SMPD3: variants seen among roughly 807,000 people sequenced by gnomAD.
SMPD3 encodes sphingomyelin phosphodiesterase 3, also known as nSMase-2.
In SMPD3, 21 loss-of-function variants were observed where a neutral mutation model predicts 55.7. The observed-to-expected ratio is 0.38, with a 90% CI of 0.27 to 0.54. The LOEUF (loss-of-function observed/expected upper bound fraction) is 0.54. SMPD3 is among the 20% of genes least tolerant of loss of function. The pLI, the probability that SMPD3 is intolerant of heterozygous loss-of-function variation, is 0.80. For synonymous variants in SMPD3, 457 were observed against 404.3 expected (o/e 1.13, Z -1.56); for missense variants, 842 against 899.6 (o/e 0.94, Z 0.82).
intron 1 of SMPD3, among the ~76,000 whole-genome samples, chr16:68,425,707 T>C (rs1244667011): frequency 6.6e-6 from 1 of 152,140 alleles, no homozygotes; most frequent in Middle Eastern, 3.2e-3. Context: ...TGGGTGAATC[T>C]GCAGGCTGGG....
chr16:68,365,979 G>A (rs558378286), intron 3 of SMPD3, among the ~76,000 whole-genome samples: 1 of 152,274 alleles, frequency 6.6e-6, no homozygotes, highest in South Asian at 2.1e-4. Context: ...GCACAGAGAG[G>A]CCGCTTACCA....
intron 1 of SMPD3, among the ~76,000 whole-genome samples, chr16:68,432,686 C>T (rs1419115139): frequency 6.6e-6 from 1 of 152,202 alleles, no homozygotes; most frequent in African/African-American, 2.4e-5. Flanking sequence ...AGTGGGGGTG[C>T]AGAGTCTGTC....
intron 1 of SMPD3, among the ~76,000 whole-genome samples, chr16:68,403,888 C>T (rs2090231378): frequency 6.6e-6 from 1 of 152,176 alleles, no homozygotes; most frequent in African/African-American, 2.4e-5. Context: ...GGGGTGACCA[C>T]ACACACAGGA....
chr16:68,392,168 A>G (rs2090117131), intron 1 of SMPD3, among the ~76,000 whole-genome samples: 1 of 152,238 alleles, frequency 6.6e-6, no homozygotes, highest in Non-Finnish European at 1.5e-5. Context: ...CTGGGATTAC[A>G]AGCATAAGCC....
At chr16:68,413,620 T>A (rs939144303) in intron 1 of SMPD3, among the ~76,000 whole-genome samples, 1 of 152,148 alleles carries the variant, frequency 6.6e-6, no homozygotes, top group Non-Finnish European at 1.5e-5. Context: ...GACTCAGAAC[T>A]CCAGGCTAGT....
In SMPD3 at chr16:68,447,607, C is replaced by G. The variant is rs1216469272; in HGVS notation, c.-269+746G>C. On this transcript the variant is annotated intron_variant, in intron 1 of 8. Transcript: ENST00000219334. This position sits in a 1 kb window ranked among gnomAD's most constrained non-coding sequence, Gnocchi z 5.1. ...GGCGCGGGCCCGAGCGCGGGGGATT[C>G]CGAGTGTCAGTGCTTTCCTCCACCC... Among the ~76,000 whole-genome samples, 2 of 152,098 alleles carry G rather than the reference C, an allele frequency of 1.3e-5. No individual in the cohort carries two copies. The highest frequency in any genetic ancestry group is 2.9e-5 in the Non-Finnish European group (2 of 68,004).
intron 1 of SMPD3, among the ~76,000 whole-genome samples, chr16:68,393,426 G>A (rs1807778831): frequency 6.6e-6 from 1 of 152,058 alleles, no homozygotes; most frequent in Non-Finnish European, 1.5e-5. Flanking sequence ...AAAACAAAAA[G>A]GAAAATGGAC....
chr16:68,364,741 C>A lies in SMPD3; in HGVS notation c.1555+10G>T. The stretch of plus-strand genomic sequence containing the variant: ...GCTGGAGACCTGAGTGGGGAGGAGC[C>A]CGGCCTCACCAGAGGAGCAGTTATC... On this transcript the variant is annotated intron_variant, in intron 5 of 8. Coordinates refer to ENST00000219334, the MANE Select transcript of SMPD3 (RefSeq NM_018667.4). 1 of 1,608,764 alleles carries A rather than the reference C, an allele frequency of 6.2e-7. No homozygotes were observed. The highest frequency in any genetic ancestry group is 1.1e-5 in the South Asian group (1 of 90,136).
At chr16:68,410,396 G>T (rs1338550529) in intron 1 of SMPD3, among the ~76,000 whole-genome samples, 1 of 151,974 alleles carries the variant, frequency 6.6e-6, no homozygotes, top group East Asian at 1.9e-4. Flanking sequence ...CTGAGGTCCA[G>T]GCACAAACAC....
In SMPD3 at chr16:68,371,218, T is replaced by G. The variant is rs370688324; in HGVS notation, c.964A>C (p.Lys322Gln). 6.2e-7 allele frequency: 1 copy of G among 1,608,520 alleles called. No individual in the cohort carries two copies. Among genetic ancestry groups the G allele is most frequent in the Non-Finnish European group, 8.5e-7 (1 of 1,177,814 alleles). ...SASGEPGANS[K>Q]LLYKASVVKK... ...ACCACCGAGGCCTTGTACAGGAGCT[T>G]GCTGTTGGCACCTGGCTCCCCGCTG... The change falls in exon 3 of 9, where the codon AAG becomes CAG. Residue 322 changes from lysine to glutamine, a missense_variant. Around this residue, in one of 2 missense-constraint regions of SMPD3, gnomAD observed 649 missense variants for 643.6 expected, o/e 1.01. Coordinates refer to ENST00000219334, the MANE Select transcript of SMPD3 (RefSeq NM_018667.4).
intron 1 of SMPD3, among the ~76,000 whole-genome samples, chr16:68,403,986 T>C (rs1597649366): frequency 6.6e-6 from 1 of 152,106 alleles, no homozygotes; most frequent in Non-Finnish European, 1.5e-5. Context: ...GCTGGGATGG[T>C]GGGCAGGATG....
intron 1 of SMPD3, among the ~76,000 whole-genome samples, chr16:68,406,855 A>T (rs1313718022): frequency 2.0e-5 from 3 of 152,212 alleles, no homozygotes; most frequent in Admixed American, 2.0e-4. Context: ...GGCCACAGAC[A>T]TTTACAAACA....
At chr16:68,416,410 A>G (rs1266712171) in intron 1 of SMPD3, among the ~76,000 whole-genome samples, 1 of 151,792 alleles carries the variant, frequency 6.6e-6, no homozygotes, top group Non-Finnish European at 1.5e-5. Context: ...TCTTCCCTCC[A>G]CAAATCATTG....
chr16:68,438,751 C>T (rs2090544685), intron 1 of SMPD3, among the ~76,000 whole-genome samples: 1 of 152,128 alleles, frequency 6.6e-6, no homozygotes, highest in Non-Finnish European at 1.5e-5. Flanking sequence ...GCTTGAAGAC[C>T]AAGCATAAGA....
chr16:68,362,229 A>C (rs1372578922), intron 7 of SMPD3, among the ~76,000 whole-genome samples: 1 of 151,872 alleles, frequency 6.6e-6, no homozygotes, highest in Non-Finnish European at 1.5e-5. Flanking sequence ...TGGCTGTGTG[A>C]CTCTGCTTAT....
chr16:68,427,128 C>T (rs1160068361), intron 1 of SMPD3, among the ~76,000 whole-genome samples: 4 of 151,822 alleles, frequency 2.6e-5, no homozygotes, highest in Non-Finnish European at 5.9e-5. Context: ...TCCCAAGTAG[C>T]TGGGATTACA....
intron 1 of SMPD3, among the ~76,000 whole-genome samples, chr16:68,394,773 GT>G (rs1370873869): frequency 6.6e-6 from 1 of 152,030 alleles, no homozygotes; most frequent in Non-Finnish European, 1.5e-5. Context: ...TTTTTTGCTT[GT>G]TTGTTTAAAT....
chr16:68,369,434 G>C (rs1054601807), intron 3 of SMPD3: 10 of 150,584 alleles, frequency 6.6e-5, no homozygotes, highest in African/African-American at 2.4e-4. Context: ...GGATTGATCT[G>C]TGCAGAAGTG....
intron 1 of SMPD3, among the ~76,000 whole-genome samples, chr16:68,431,224 T>C (rs1186451684): frequency 6.6e-6 from 1 of 152,332 alleles, no homozygotes; most frequent in East Asian, 1.9e-4. Flanking sequence ...AGTGATGACA[T>C]GCTTGGTTCT....
Sources: allele counts gnomAD v4.1 joint callset (sites outside exome capture counted in the v4.1 genomes callset), GRCh38; gene constraint gnomAD v4.1.1; regional missense constraint gnomAD v4.1.1; non-coding constraint Gnocchi (gnomAD v3.1); transcripts MANE v1.5; gene names NCBI Gene and HGNC (gene_info 2026-07-23, HGNC 2026-07-21).